GATAD1: variants seen among roughly 807,000 people sequenced by gnomAD.
GATAD1 encodes the protein GATA zinc finger domain-containing protein 1.
A neutral mutation model predicts 26.5 loss-of-function variants in GATAD1; 12 were observed. That is an observed-to-expected ratio of 0.45 (90% confidence interval 0.29 to 0.73). The LOEUF is 0.73. Ranked by LOEUF, GATAD1 falls within the 30% of genes least tolerant of loss-of-function variation. The pLI is 0.10. For synonymous variants in GATAD1, 129 were observed against 133.1 expected (o/e 0.97, Z 0.21); for missense variants, 266 against 342.1 (o/e 0.78, Z 1.75).
the GATAD1 span, among the ~76,000 whole-genome samples, chr7:92,485,782 G>C: frequency 6.6e-6 from 1 of 152,198 alleles, no homozygotes; most frequent in African/African-American, 2.4e-5. Context: ...CATTCTGTCA[G>C]GAGGTAGAGA....
At chr7:92,495,621 CTT>C in the GATAD1 span, among the ~76,000 whole-genome samples, 1 of 152,178 alleles carries the variant, frequency 6.6e-6, no homozygotes, top group Admixed American at 6.5e-5. Flanking sequence ...CCCTTATTAT[CTT>C]TTACATTTCT....
At chr7:92,485,226 G>T in the GATAD1 span, among the ~76,000 whole-genome samples, 10 of 152,186 alleles carry the variant, frequency 6.6e-5, no homozygotes, top group African/African-American at 2.4e-4. Flanking sequence ...GGATGTATAC[G>T]TGCAGGTCAC....
chr7:92,474,153 T>G, the GATAD1 span, among the ~76,000 whole-genome samples: 1 of 152,102 alleles, frequency 6.6e-6, no homozygotes, highest in African/African-American at 2.4e-5. Context: ...GGCCTTTTTT[T>G]TAATCCCGTT....
At chr7:92,493,164 ATAAAAT>A in the GATAD1 span, 1 of 1,184,466 alleles carries the variant, frequency 8.4e-7, no homozygotes. Context: ...CAAATAAAAA[ATAAAAT>A]TAAAAATATT....
the GATAD1 span, chr7:92,487,276 C>T: frequency 7.0e-6 from 3 of 430,898 alleles, no homozygotes; most frequent in South Asian, 4.9e-5. Context: ...CCAATTTATA[C>T]TACAGTATTA....
At chr7:92,489,332 G>A in the GATAD1 span, 1 of 1,613,208 alleles carries the variant, frequency 6.2e-7, no homozygotes, top group South Asian at 1.1e-5. Flanking sequence ...ACTAATGGAT[G>A]GTCTTGTGTG....
the GATAD1 span, chr7:92,493,649 A>G: frequency 6.5e-6 from 1 of 153,722 alleles, no homozygotes; most frequent in Non-Finnish European, 1.4e-5. Context: ...AAAAACAAAA[A>G]CCCAAAAACC....
chr7:92,486,649 A>T, the GATAD1 span, among the ~76,000 whole-genome samples: 3 of 152,136 alleles, frequency 2.0e-5, no homozygotes, highest in Non-Finnish European at 4.4e-5. Context: ...GACTAGAGGC[A>T]TACCATCATG....
Position 92,447,662 on chromosome 7 carries a change from G to C in GATAD1, c.-68G>C. On this transcript the variant is annotated 5_prime_UTR_variant, in exon 1 of 5. Coordinates refer to ENST00000287957, the MANE Select transcript of GATAD1 (RefSeq NM_021167.5). ...CGCCGGGAGTGGCGGGCCGACCAGG[G>C]GGCGGCCGGGCTACCGTCCGCCATT... 7.5e-7 allele frequency: 1 copy of C among 1,340,076 alleles called. No individual in the cohort carries two copies. Among genetic ancestry groups the C allele is most frequent in the Non-Finnish European group, 9.6e-7 (1 of 1,043,614 alleles). 83.0% of individuals were successfully genotyped at this position (1,340,076 alleles called of 1,614,324 possible). A position where few individuals can be genotyped will look rare whatever the true frequency, so the allele number is the denominator to read the frequency against.
At chr7:92,494,720 G>GT in the GATAD1 span, 3 of 943,458 alleles carry the variant, frequency 3.2e-6, no homozygotes, top group Non-Finnish European at 4.7e-6. Context: ...TTTATTTTAT[G>GT]TATTTATATA....
the GATAD1 span, among the ~76,000 whole-genome samples, chr7:92,483,822 T>TG: frequency 1.3e-5 from 2 of 151,140 alleles, no homozygotes; most frequent in African/African-American, 4.9e-5. Flanking sequence ...GATTATAGGG[T>TG]GGGGGAGCAG....
At chr7:92,468,915 G>T in the GATAD1 span, 1 of 764,102 alleles carries the variant, frequency 1.3e-6, no homozygotes, top group Non-Finnish European at 2.4e-6. Flanking sequence ...ACTGCATCTT[G>T]GGCTCCATTT....
In GATAD1 at chr7:92,458,735, TTA is replaced by T. The variant is rs1462915168; in HGVS notation, c.*2175_*2176del. ...ACTATAGGTAGCTACACGTACATAATTATCTCTTTATTCACAAAGGGTATAGT... is the reference window on the plus strand; with the variant it reads ...ACTATAGGTAGCTACACGTACATAATTCTCTTTATTCACAAAGGGTATAGT... On this transcript the variant is annotated 3_prime_UTR_variant, in exon 5 of 5. Transcript: ENST00000287957. 6.6e-6 allele frequency: 1 copy of T among 152,252 alleles called. No homozygotes were observed. Among genetic ancestry groups the T allele is most frequent in the Non-Finnish European group, 1.5e-5 (1 of 68,046 alleles). 9.4% of individuals were successfully genotyped at this position (152,252 alleles called of 1,614,324 possible). A position where few individuals can be genotyped will look rare whatever the true frequency, so the allele number is the denominator to read the frequency against.
At chr7:92,463,781 C>T (rs1262178766), downstream of GATAD1, among the ~76,000 whole-genome samples, 1 of 152,040 alleles carries the variant, frequency 6.6e-6, no homozygotes, top group African/African-American at 2.4e-5. Flanking sequence ...CCAGCCTGGC[C>T]AACGTGGCGA....
chr7:92,465,061 C>T (rs555894312), downstream of GATAD1: 4 of 152,202 alleles, frequency 2.6e-5, no homozygotes, highest in East Asian at 1.9e-4. Context: ...TGTAGATGTA[C>T]GGATTTAGAG....
intron 2 of GATAD1, chr7:92,449,686 TAATTTAATTTAATGAA>T (rs1296113372): frequency 5.6e-6 from 4 of 716,388 alleles, no homozygotes; most frequent in Non-Finnish European, 6.8e-6. Flanking sequence ...TTTTTTTTTT[TAATTTAATTTAATGAA>T]TTTTTTTTAA....
the GATAD1 span, among the ~76,000 whole-genome samples, chr7:92,479,965 G>A: frequency 1.3e-5 from 2 of 152,198 alleles, no homozygotes; most frequent in Admixed American, 6.5e-5. Flanking sequence ...GAGTGCCCAA[G>A]GGGGTTCAGC....
downstream of GATAD1, among the ~76,000 whole-genome samples, chr7:92,463,662 CAAAA>C (rs34356967): frequency 2.8e-5 from 2 of 72,696 alleles, no homozygotes; most frequent in East Asian, 4.1e-4. Flanking sequence ...GATTCCGTCT[CAAAA>C]AAAAAAAAAA....
At chr7:92,479,236 G>T in the GATAD1 span, among the ~76,000 whole-genome samples, 2 of 152,294 alleles carry the variant, frequency 1.3e-5, no homozygotes, top group South Asian at 4.1e-4. Context: ...AACAGGCTTT[G>T]TGTGAGCAAC....
Sources: gnomAD v4.1 joint callset for allele counts (sites outside exome capture counted in the v4.1 genomes callset) on GRCh38, gnomAD v4.1.1 for gene constraint, MANE v1.5 for transcripts, NCBI Gene and HGNC (gene_info 2026-07-23, HGNC 2026-07-21) for gene names.